HTR7: variants seen among roughly 807,000 people sequenced by gnomAD.
The protein encoded by HTR7 is 5-HT-7.
Under a neutral mutation model 34.0 loss-of-function variants are expected in HTR7, and 16 were observed. That is an observed-to-expected ratio of 0.47 (90% confidence interval 0.32 to 0.71). The LOEUF is 0.71. Ranked by LOEUF, HTR7 falls within the 30% of genes least tolerant of loss-of-function variation. HTR7 has a pLI of 0.04. For missense variants in HTR7, 504 were observed against 625.5 expected, an observed-to-expected ratio of 0.81 and a Z score of 2.07; for synonymous variants, 265 against 260.2, an observed-to-expected ratio of 1.02 and a Z score of -0.18.
intron 1 of HTR7, among the ~76,000 whole-genome samples, chr10:90,835,124 A>T (rs1228928894): frequency 6.6e-6 from 1 of 152,190 alleles, no homozygotes; most frequent in Admixed American, 6.5e-5. Flanking sequence ...AGTTCATCTT[A>T]TGATTTCCCA....
At position 90,806,555 on chromosome 10, in the gene HTR7, C is replaced by T. The variant is rs573682411; in HGVS notation, c.539+50578G>A. 5.6e-4 allele frequency among the ~76,000 whole-genome samples: 85 copies of T among 151,938 alleles called. No individual in the cohort carries two copies. In the South Asian group the frequency reaches 9.4e-3, roughly 17 times the overall value. ...CGGAGCTTGTAGTGAGCCGAGATCA[C>T]GCCTCTGCACTCCAGCCTGGGCGAC... is the stretch of plus-strand genomic sequence containing the variant. On this transcript the variant is annotated intron_variant, in intron 1 of 3. Transcript: ENST00000336152.
intron 1 of HTR7, among the ~76,000 whole-genome samples, chr10:90,781,877 A>C (rs1344670732): frequency 6.6e-6 from 1 of 152,194 alleles, no homozygotes; most frequent in Non-Finnish European, 1.5e-5. Context: ...GCAGCAGTCA[A>C]ACCACAATTG....
chr10:90,800,157 G>A (rs1051082154), intron 1 of HTR7, among the ~76,000 whole-genome samples: 1 of 152,220 alleles, frequency 6.6e-6, no homozygotes, highest in African/African-American at 2.4e-5. Context: ...ACATGACAAA[G>A]TGTGGTGTGA....
intron 1 of HTR7, among the ~76,000 whole-genome samples, chr10:90,762,319 A>G (rs749800663): frequency 7.2e-5 from 11 of 152,208 alleles, no homozygotes; most frequent in Non-Finnish European, 2.9e-5. Flanking sequence ...CTTTTTGATA[A>G]CAGCTATCCC....
intron 1 of HTR7, among the ~76,000 whole-genome samples, chr10:90,822,344 C>T (rs892059128): frequency 6.6e-6 from 1 of 152,208 alleles, no homozygotes; most frequent in South Asian, 2.1e-4. Flanking sequence ...AGACTGGCAG[C>T]ATTGTGCCTA....
chr10:90,784,242 A>G (rs1845349386), intron 1 of HTR7, among the ~76,000 whole-genome samples: 1 of 152,180 alleles, frequency 6.6e-6, no homozygotes, highest in South Asian at 2.1e-4. Context: ...AGATCCATTA[A>G]TAACTCTCCT....
At chr10:90,819,562 C>G (rs996749280) in intron 1 of HTR7, among the ~76,000 whole-genome samples, 1 of 152,040 alleles carries the variant, frequency 6.6e-6, no homozygotes, top group Non-Finnish European at 1.5e-5. Flanking sequence ...TGTTACAACC[C>G]CAAATTGCCT....
At chr10:90,828,956 T>C (rs886150573) in intron 1 of HTR7, among the ~76,000 whole-genome samples, 2 of 151,434 alleles carry the variant, frequency 1.3e-5, no homozygotes, top group East Asian at 3.9e-4. Flanking sequence ...AAAAAAAAAG[T>C]ACAGGCTAAT....
chr10:90,857,183 G>A lies in HTR7; in HGVS notation c.489C>T (p.Val163=). The part of the protein sequence containing the change: ...FFCNVFIAMD[V]MCCTASIMTL... ...TCATGATCGAGGCCGTGCAGCACAT[G>A]ACGTCCATGGCGATGAAGACATTAC... Residue 163 remains valine (V), a synonymous_variant, in exon 1 of 4, where the codon GTC becomes GTT. Coordinates refer to ENST00000336152, the MANE Select transcript of HTR7 (RefSeq NM_019859.4). This position sits in a 1 kb window ranked among gnomAD's most constrained non-coding sequence, Gnocchi z 6.5. 6.2e-7 allele frequency: 1 copy of A among 1,613,690 alleles called. No individual in the cohort carries two copies. The highest frequency in any genetic ancestry group is 8.5e-7 in the Non-Finnish European group (1 of 1,179,784).
intron 1 of HTR7, among the ~76,000 whole-genome samples, chr10:90,827,667 C>A (rs551317834): frequency 6.6e-6 from 1 of 152,280 alleles, no homozygotes; most frequent in South Asian, 2.1e-4. Flanking sequence ...AGGGTCAATT[C>A]TGCAAGAGGA....
intron 1 of HTR7, among the ~76,000 whole-genome samples, chr10:90,754,055 G>A (rs1844788313): frequency 1.3e-5 from 2 of 151,786 alleles, no homozygotes; most frequent in Admixed American, 1.3e-4. Context: ...TTTGTAGTGA[G>A]CATGTAAAAA....
At chr10:90,804,434 G>A (rs11594548) in intron 1 of HTR7, among the ~76,000 whole-genome samples, 41,977 of 152,098 alleles carry the variant, frequency 0.28, 6,331 homozygotes, top group African/African-American at 0.4. Flanking sequence ...GGTTCCAGAG[G>A]TTGTGGGCAA....
chr10:90,771,418 G>A (rs1157619560), intron 1 of HTR7, among the ~76,000 whole-genome samples: 1 of 152,222 alleles, frequency 6.6e-6, no homozygotes, highest in Non-Finnish European at 1.5e-5. Flanking sequence ...CAGGTTGCAG[G>A]CAAAGAGAAG....
chr10:90,770,897 C>T (rs1000898090), intron 1 of HTR7, among the ~76,000 whole-genome samples: 29 of 152,324 alleles, frequency 1.9e-4, no homozygotes, highest in Middle Eastern at 3.4e-3. Flanking sequence ...CAGTCCCACA[C>T]GGACTGAGAT....
At chr10:90,772,042 A>G (rs929092864) in intron 1 of HTR7, among the ~76,000 whole-genome samples, 8 of 152,222 alleles carry the variant, frequency 5.3e-5, no homozygotes, top group Non-Finnish European at 1.2e-4. Flanking sequence ...TATGTATACA[A>G]GTATTTAGGA....
chr10:90,781,252 T>C (rs1589448114), intron 1 of HTR7, among the ~76,000 whole-genome samples: 1 of 152,342 alleles, frequency 6.6e-6, no homozygotes, highest in East Asian at 1.9e-4. Context: ...ATTCTAAAAC[T>C]TGCTCTTTTC....
At chr10:90,823,036 G>C (rs1846011580) in intron 1 of HTR7, among the ~76,000 whole-genome samples, 1 of 152,244 alleles carries the variant, frequency 6.6e-6, no homozygotes, top group African/African-American at 2.4e-5. Flanking sequence ...CTACTGCAGG[G>C]GCAAAGCCCT....
chr10:90,851,304 A>G (rs1026325132), intron 1 of HTR7, among the ~76,000 whole-genome samples: 1 of 152,188 alleles, frequency 6.6e-6, no homozygotes, highest in African/African-American at 2.4e-5. Flanking sequence ...CAGTGAAAAT[A>G]TCATTCAAAA....
chr10:90,819,590 A>G (rs976453289), intron 1 of HTR7, among the ~76,000 whole-genome samples: 1 of 152,188 alleles, frequency 6.6e-6, no homozygotes, highest in Non-Finnish European at 1.5e-5. Flanking sequence ...GCTTTGCCTG[A>G]TAGTTGGTTT....
Sources: gnomAD v4.1 joint callset for allele counts (sites outside exome capture counted in the v4.1 genomes callset) on GRCh38, gnomAD v4.1.1 for gene constraint, Gnocchi (gnomAD v3.1) non-coding constraint, MANE v1.5 for transcripts, NCBI Gene and HGNC (gene_info 2026-07-23, HGNC 2026-07-21) for gene names.